Variants in TNFSF4 observed in about 807,000 individuals in gnomAD.
The protein encoded by TNFSF4 is tumor necrosis factor ligand superfamily member 4.
Under a neutral mutation model 7.3 loss-of-function variants are expected in TNFSF4, and 4 were observed. The ratio of observed to expected loss-of-function variants is 0.55; its 90% CI spans 0.27 to 1.25. TNFSF4 has a LOEUF of 1.25. Ranked by LOEUF, TNFSF4 falls within the 50% of genes most tolerant of loss-of-function variation. The pLI, the probability that TNFSF4 is intolerant of heterozygous loss-of-function variation, is 0.12. For synonymous variants in TNFSF4, 76 were observed against 83.7 expected (o/e 0.91, Z 0.50); for missense variants, 181 against 208.8 (o/e 0.87, Z 0.82).
the TNFSF4 span, among the ~76,000 whole-genome samples, chr1:173,320,037 A>G: frequency 6.6e-6 from 1 of 152,152 alleles, no homozygotes. Context: ...CAAAAAGGAA[A>G]CTTTCAGGCC....
chr1:173,449,763 T>C, the TNFSF4 span, among the ~76,000 whole-genome samples: 1 of 152,130 alleles, frequency 6.6e-6, no homozygotes, highest in African/African-American at 2.4e-5. Context: ...AAATGCAACA[T>C]ATCAAAATTT....
chr1:173,422,069 T>C, the TNFSF4 span, among the ~76,000 whole-genome samples: 24,734 of 151,890 alleles, frequency 0.16, 2,739 homozygotes, highest in African/African-American at 0.3. Context: ...CCCCACAATG[T>C]CAAGGTTAGT....
chr1:173,175,928 G>T, the TNFSF4 span, among the ~76,000 whole-genome samples: 4 of 152,144 alleles, frequency 2.6e-5, no homozygotes, highest in Non-Finnish European at 5.9e-5. Flanking sequence ...ACAGGAGGAA[G>T]TCATGGTTTT....
the TNFSF4 span, among the ~76,000 whole-genome samples, chr1:173,283,301 A>C: frequency 6.6e-6 from 1 of 152,042 alleles, no homozygotes; most frequent in African/African-American, 2.4e-5. Context: ...TCCCCCCCCA[A>C]AAAAGAGAGT....
the TNFSF4 span, among the ~76,000 whole-genome samples, chr1:173,421,473 C>T: frequency 3.3e-5 from 5 of 152,072 alleles, no homozygotes; most frequent in Non-Finnish European, 5.9e-5. Context: ...CCATACTGCC[C>T]CTCCTTGTTG....
the TNFSF4 span, among the ~76,000 whole-genome samples, chr1:173,405,156 C>T: frequency 4.6e-5 from 7 of 152,160 alleles, no homozygotes; most frequent in East Asian, 3.8e-4. Flanking sequence ...AAACAGCCAA[C>T]GGCAAGTCCC....
chr1:173,353,458 T>C, the TNFSF4 span, among the ~76,000 whole-genome samples: 5 of 152,216 alleles, frequency 3.3e-5, no homozygotes, highest in Non-Finnish European at 7.3e-5. Context: ...TGCATGCTCC[T>C]GTGTGCGTGT....
the TNFSF4 span, chr1:173,362,604 G>T: frequency 3.4e-5 from 17 of 500,916 alleles, no homozygotes; most frequent in East Asian, 7.0e-4. Context: ...CCAACTCCTG[G>T]GTAAGTTTTG....
the TNFSF4 span, among the ~76,000 whole-genome samples, chr1:173,296,850 T>C: frequency 1.3e-5 from 2 of 152,086 alleles, no homozygotes; most frequent in South Asian, 2.1e-4. Context: ...ACAGATGTAA[T>C]GGAGAAGCAA....
chr1:173,351,955 C>A, the TNFSF4 span: 1 of 520,136 alleles, frequency 1.9e-6, no homozygotes, highest in East Asian at 3.7e-5. Flanking sequence ...TCTCACCAGG[C>A]AGGAAAGGAA....
At chr1:173,350,464 A>T in the TNFSF4 span, among the ~76,000 whole-genome samples, 1 of 152,192 alleles carries the variant, frequency 6.6e-6, no homozygotes, top group Non-Finnish European at 1.5e-5. Context: ...GGTGTCCAAC[A>T]TTCTCTATGT....
At chr1:173,393,675 G>A in the TNFSF4 span, among the ~76,000 whole-genome samples, 1 of 152,214 alleles carries the variant, frequency 6.6e-6, no homozygotes, top group African/African-American at 2.4e-5. Context: ...AAATGCTATA[G>A]ATTATACAGT....
intron 1 of TNFSF4, among the ~76,000 whole-genome samples, chr1:173,200,832 C>T (rs1649913448): frequency 6.6e-6 from 1 of 152,302 alleles, no homozygotes; most frequent in African/African-American, 2.4e-5. Flanking sequence ...GCTCTCTAAC[C>T]ACAAGATCTT....
At chr1:173,364,225 G>GTATATATATA in the TNFSF4 span, among the ~76,000 whole-genome samples, 9,551 of 143,344 alleles carry the variant, frequency 0.067, 402 homozygotes, top group African/African-American at 0.12. Context: ...AGAAGACTAG[G>GTATATATATA]TATATATATA....
the TNFSF4 span, among the ~76,000 whole-genome samples, chr1:173,240,233 C>G: frequency 1.1e-4 from 16 of 152,150 alleles, no homozygotes; most frequent in African/African-American, 3.9e-4. Flanking sequence ...TTGTGGCACA[C>G]TATCATTATC....
At chr1:173,348,398 G>A in the TNFSF4 span, among the ~76,000 whole-genome samples, 1 of 152,140 alleles carries the variant, frequency 6.6e-6, no homozygotes, top group Admixed American at 6.5e-5. Context: ...TCAGCCATGG[G>A]GAGCTGTGAG....
chr1:173,313,650 G>A, the TNFSF4 span, among the ~76,000 whole-genome samples: 9 of 151,872 alleles, frequency 5.9e-5, no homozygotes, highest in Non-Finnish European at 1.2e-4. Flanking sequence ...TACTCCTTTC[G>A]ATAACCTCTC....
In TNFSF4 at chr1:173,185,895, G is replaced by A. The variant is rs978245717; in HGVS notation, c.*621C>T. 1.3e-5 allele frequency: 2 copies of A among 152,260 alleles called. No homozygotes were observed. Among genetic ancestry groups the A allele is most frequent in the African/African-American group, 4.8e-5 (2 of 41,556 alleles). The allele number at this position is 152,260 out of a possible 1,614,324, so 9.4% of individuals were successfully genotyped here. A position where few individuals can be genotyped will look rare whatever the true frequency, so the allele number is the denominator to read the frequency against. On this transcript the variant is annotated 3_prime_UTR_variant, in exon 3 of 3. Transcript: ENST00000281834. ...GCAAAATGGTAAAGAAAAAAAGCAC[G>A]TGGTATTTCTTAGACGGCTCTCTTC...
chr1:173,430,591 C>G, the TNFSF4 span, among the ~76,000 whole-genome samples: 1 of 152,134 alleles, frequency 6.6e-6, no homozygotes, highest in Non-Finnish European at 1.5e-5. Flanking sequence ...TTCACATTCT[C>G]TAACAGATTC....
Sources: allele counts gnomAD v4.1 joint callset (sites outside exome capture counted in the v4.1 genomes callset), GRCh38; gene constraint gnomAD v4.1.1; transcripts MANE v1.5; gene names NCBI Gene and HGNC (gene_info 2026-07-23, HGNC 2026-07-21).